PTPRM: variants seen among roughly 807,000 people sequenced by gnomAD.
PTPRM encodes protein tyrosine phosphatase receptor type M.
PTPRM carries 47 observed loss-of-function variants against 186.7 expected under a neutral mutation model. The observed-to-expected ratio is 0.25, with a 90% CI of 0.20 to 0.32. The LOEUF (loss-of-function observed/expected upper bound fraction) is 0.32, where lower values mean the gene tolerates loss of function less well. PTPRM is among the 10% of genes least tolerant of loss of function. The pLI, the probability that PTPRM is intolerant of heterozygous loss-of-function variation, is 1.00. For missense variants in PTPRM, 1,494 were observed against 1,865.0 expected, an observed-to-expected ratio of 0.80 and a Z score of 3.66; for synonymous variants, 668 against 674.9, an observed-to-expected ratio of 0.99 and a Z score of 0.16.
chr18:7,688,217 A>G (rs896436535), intron 1 of PTPRM, among the ~76,000 whole-genome samples: 1 of 152,154 alleles, frequency 6.6e-6, no homozygotes, highest in Non-Finnish European at 1.5e-5. Context: ...TGAAAGACTT[A>G]CATTGGGCTT....
At chr18:7,920,620 A>G (rs2050805972) in intron 4 of PTPRM, among the ~76,000 whole-genome samples, 1 of 152,208 alleles carries the variant, frequency 6.6e-6, no homozygotes, top group Admixed American at 6.5e-5. Context: ...AATACTTACG[A>G]ATAGATTGCA....
chr18:7,813,576 C>T (rs980608464), intron 2 of PTPRM, among the ~76,000 whole-genome samples: 5 of 152,088 alleles, frequency 3.3e-5, no homozygotes, highest in Non-Finnish European at 5.9e-5. Context: ...CTTCGTGGGC[C>T]TTCTGGACCG....
chr18:7,785,321 G>A (rs1033902659), intron 2 of PTPRM, among the ~76,000 whole-genome samples: 1 of 152,184 alleles, frequency 6.6e-6, no homozygotes, highest in South Asian at 2.1e-4. Flanking sequence ...GTTAGTAAAT[G>A]AGTACCAAAA....
intron 20 of PTPRM, among the ~76,000 whole-genome samples, chr18:8,314,207 T>C (rs1254478974): frequency 6.6e-6 from 1 of 152,124 alleles, no homozygotes; most frequent in Non-Finnish European, 1.5e-5. Context: ...CATCCCCTTC[T>C]CCAGATGAGG....
At chr18:8,260,397 C>T (rs1028457221) in intron 19 of PTPRM, among the ~76,000 whole-genome samples, 6 of 152,112 alleles carry the variant, frequency 3.9e-5, no homozygotes, top group Non-Finnish European at 8.8e-5. Context: ...CTCCTGGACT[C>T]AAGTGATCCT....
At chr18:7,581,426 A>C (rs1343576882) in intron 1 of PTPRM, among the ~76,000 whole-genome samples, 1 of 152,218 alleles carries the variant, frequency 6.6e-6, no homozygotes, top group Non-Finnish European at 1.5e-5. Flanking sequence ...GACGAAAAGC[A>C]GCAAACTGCC....
At chr18:8,116,077 G>A (rs952302459) in intron 13 of PTPRM, among the ~76,000 whole-genome samples, 1 of 152,144 alleles carries the variant, frequency 6.6e-6, no homozygotes, top group Non-Finnish European at 1.5e-5. Flanking sequence ...AATTATAGCT[G>A]CTTATGTGTT....
intron 1 of PTPRM, among the ~76,000 whole-genome samples, chr18:7,612,461 C>T (rs1051511337): frequency 6.6e-6 from 1 of 152,102 alleles, no homozygotes; most frequent in Non-Finnish European, 1.5e-5. Flanking sequence ...TCTATGATTC[C>T]CAACATCTCT....
At chr18:7,934,271 C>G (rs1407312773) in intron 5 of PTPRM, among the ~76,000 whole-genome samples, 2 of 152,094 alleles carry the variant, frequency 1.3e-5, no homozygotes, top group Admixed American at 1.3e-4. Context: ...AAAAAACTTA[C>G]TTAGAGTTAA....
intron 1 of PTPRM, among the ~76,000 whole-genome samples, chr18:7,573,597 TG>T (rs1034105866): frequency 2.0e-5 from 3 of 151,920 alleles, no homozygotes; most frequent in East Asian, 1.9e-4. Flanking sequence ...TGTTTTGTTT[TG>T]TTTTTTTTGA....
intron 7 of PTPRM, among the ~76,000 whole-genome samples, chr18:8,036,255 A>G (rs2086321932): frequency 1.3e-5 from 2 of 152,258 alleles, no homozygotes; most frequent in South Asian, 2.1e-4. Flanking sequence ...CTGGCACAAT[A>G]GAAAATGTTC....
chr18:8,157,386 T>A (rs1181935706), intron 14 of PTPRM, among the ~76,000 whole-genome samples: 1 of 152,160 alleles, frequency 6.6e-6, no homozygotes, highest in Non-Finnish European at 1.5e-5. Context: ...TGTCCGGACA[T>A]GGGAGAAGAC....
chr18:7,774,810 C>T (rs977823174), intron 2 of PTPRM, among the ~76,000 whole-genome samples: 3 of 152,162 alleles, frequency 2.0e-5, no homozygotes, highest in Non-Finnish European at 4.4e-5. Context: ...AAGATGTGTT[C>T]CACTGAACAC....
At chr18:7,960,767 A>ATG (rs1236845705) in intron 7 of PTPRM, among the ~76,000 whole-genome samples, 1 of 151,486 alleles carries the variant, frequency 6.6e-6, no homozygotes, top group East Asian at 1.9e-4. Context: ...ATATATATAT[A>ATG]TTACTCACAT....
At chr18:8,156,607 A>G (rs888199602) in intron 14 of PTPRM, among the ~76,000 whole-genome samples, 2 of 152,210 alleles carry the variant, frequency 1.3e-5, no homozygotes, top group African/African-American at 2.4e-5. Flanking sequence ...GCCTAGTCTA[A>G]GTCAGTGCAT....
At chr18:7,957,799 C>G (rs921451724) in intron 7 of PTPRM, among the ~76,000 whole-genome samples, 4 of 152,060 alleles carry the variant, frequency 2.6e-5, no homozygotes, top group Admixed American at 2.6e-4. Flanking sequence ...GAAGCAGGAG[C>G]AAGTTAAAGG....
intron 2 of PTPRM, among the ~76,000 whole-genome samples, chr18:7,867,618 G>C (rs2047776125): frequency 6.6e-6 from 1 of 152,102 alleles, no homozygotes; most frequent in Admixed American, 6.5e-5. Flanking sequence ...TTTCTCTCTG[G>C]CTTCCCTTAA....
At position 8,030,635 on chromosome 18, in the gene PTPRM, T is replaced by C. The variant is rs192575107; in HGVS notation, c.1133-39051T>C. Among the ~76,000 whole-genome samples, 218 of 152,180 alleles carry C rather than the reference T, an allele frequency of 1.4e-3. 1 individual carries two copies. The highest frequency in any genetic ancestry group is 3.7e-3 in the South Asian group (18 of 4,818). On this transcript the variant is annotated intron_variant, in intron 7 of 32. Coordinates refer to ENST00000580170, the MANE Select transcript of PTPRM (RefSeq NM_001105244.2). ...TCCATTATTGAAAACGTTTTGTCTG[T>C]TCTGTGTAGAGCACAGATGGGATCC...
At chr18:8,031,515 G>C (rs1487476439) in intron 7 of PTPRM, among the ~76,000 whole-genome samples, 1 of 152,194 alleles carries the variant, frequency 6.6e-6, no homozygotes, top group Non-Finnish European at 1.5e-5. Flanking sequence ...CAGAAAGCTA[G>C]TTCTGCAAAA....
Sources: gnomAD v4.1 joint callset for allele counts (sites outside exome capture counted in the v4.1 genomes callset) on GRCh38, gnomAD v4.1.1 for gene constraint, MANE v1.5 for transcripts, NCBI Gene and HGNC (gene_info 2026-07-23, HGNC 2026-07-21) for gene names.